SLCO1B1: variants seen among roughly 807,000 people sequenced by gnomAD.
SLCO1B1 encodes the protein solute carrier organic anion transporter family member 1B1.
SLCO1B1 carries 81 observed loss-of-function variants against 70.1 expected under a neutral mutation model. The observed-to-expected ratio is 1.16, with a 90% CI of 0.97 to 1.39. The LOEUF is 1.39. Among genes scored for constraint, SLCO1B1 ranks in the 40% most tolerant of loss-of-function variants. The probability of loss-of-function intolerance (pLI) is 0.00; values close to 1 mark genes in which losing one functional copy is unlikely to be tolerated. For missense variants in SLCO1B1, 895 were observed against 799.6 expected (o/e 1.12, Z -1.44); for synonymous variants, 283 against 271.5 (o/e 1.04, Z -0.42).
intron 2 of SLCO1B1, among the ~76,000 whole-genome samples, chr12:21,156,786 A>C (rs1940550336): frequency 6.6e-6 from 1 of 152,204 alleles, no homozygotes; most frequent in Non-Finnish European, 1.5e-5. Context: ...TCTGTAATTC[A>C]TATTTTAAGT....
chr12:21,174,718 TA>T lies in SLCO1B1; in HGVS notation c.359+23del, dbSNP rs4149095. ...CATTTCTTCATGGGATAGTAAGTGT[TA>T]AAAAAAAAAAAAACCTCTGTGCCAC... On this transcript the variant is annotated intron_variant, in intron 4 of 14. Coordinates refer to ENST00000256958, the MANE Select transcript of SLCO1B1 (RefSeq NM_006446.5). 30,616 of 1,410,448 alleles carry T rather than the reference TA, an allele frequency of 0.022. No homozygotes were observed. Among genetic ancestry groups the T allele is most frequent in the African/African-American group, 0.023 (1,518 of 65,476 alleles). The allele number at this position is 1,410,448 out of a possible 1,614,324, so 87.4% of individuals were successfully genotyped here.
At chr12:21,154,475 TAC>T (rs974647268) in intron 2 of SLCO1B1, among the ~76,000 whole-genome samples, 1 of 152,114 alleles carries the variant, frequency 6.6e-6, no homozygotes, top group Non-Finnish European at 1.5e-5. Flanking sequence ...GTTTATAAAG[TAC>T]ACAGTTTTCT....
chr12:21,142,913 G>A (rs1940331377), intron 2 of SLCO1B1, among the ~76,000 whole-genome samples: 1 of 152,024 alleles, frequency 6.6e-6, no homozygotes, highest in Non-Finnish European at 1.5e-5. Flanking sequence ...TGTGTGGAAA[G>A]GACATTAACT....
intron 7 of SLCO1B1, among the ~76,000 whole-genome samples, chr12:21,184,592 C>A (rs1275660355): frequency 6.6e-6 from 1 of 152,092 alleles, no homozygotes; most frequent in Non-Finnish European, 1.5e-5. Context: ...ACTAAACCAG[C>A]CTTATAACAG....
At chr12:21,165,786 C>A (rs1940677014) in intron 2 of SLCO1B1, among the ~76,000 whole-genome samples, 1 of 152,052 alleles carries the variant, frequency 6.6e-6, no homozygotes, top group African/African-American at 2.4e-5. Flanking sequence ...AGAGGGCCCT[C>A]ACCAGAAATT....
In SLCO1B1 at chr12:21,202,544, A is replaced by C; in HGVS notation, c.1189A>C (p.Ile397Leu). 6.2e-7 allele frequency: 1 copy of C among 1,612,176 alleles called. No homozygotes were observed. The highest frequency in any genetic ancestry group is 1.1e-5 in the South Asian group (1 of 90,902). The change falls in exon 10 of 15, where the codon ATT (isoleucine) becomes CTT (leucine). Residue 397 changes from isoleucine (I) to leucine (L), a missense_variant. Ile to Leu is a conservative substitution (Grantham distance 5, BLOSUM62 2). Coordinates refer to ENST00000256958, the MANE Select transcript of SLCO1B1 (RefSeq NM_006446.5). ...ASGMFLGGYI[I>L]KKFKLNTVGI... The stretch of plus-strand genomic sequence containing the variant: ...TGGAATGTTTTTAGGAGGATATATC[A>C]TTAAAAAATTCAAACTGAACACCGT...
chr12:21,209,134 T>G (rs1324169560), intron 11 of SLCO1B1, among the ~76,000 whole-genome samples: 2 of 152,086 alleles, frequency 1.3e-5, no homozygotes, highest in African/African-American at 4.8e-5. Flanking sequence ...TGTATACATG[T>G]GCCATGCTGG....
chr12:21,148,068 T>C (rs1940411811), intron 2 of SLCO1B1, among the ~76,000 whole-genome samples: 1 of 152,248 alleles, frequency 6.6e-6, no homozygotes, highest in Middle Eastern at 3.2e-3. Flanking sequence ...TGTTTCTTTC[T>C]TGTAAATTTG....
intron 1 of SLCO1B1, among the ~76,000 whole-genome samples, chr12:21,133,126 A>G (rs1336821559): frequency 6.6e-6 from 1 of 152,120 alleles, no homozygotes; most frequent in Non-Finnish European, 1.5e-5. Flanking sequence ...CAGGTTTGTC[A>G]AAGATCAGAT....
At chr12:21,176,230 C>G (rs1237835900) in intron 4 of SLCO1B1, among the ~76,000 whole-genome samples, 1 of 152,114 alleles carries the variant, frequency 6.6e-6, no homozygotes, top group Non-Finnish European at 1.5e-5. Context: ...GCCTGGAATA[C>G]AGTAGGCTGC....
chr12:21,187,422 A>C (rs1021928817), intron 7 of SLCO1B1, among the ~76,000 whole-genome samples: 6 of 152,106 alleles, frequency 3.9e-5, no homozygotes, highest in Non-Finnish European at 7.4e-5. Context: ...TTTTCATATC[A>C]GTCGATGCCC....
rs1391007612 is a variant in SLCO1B1, at chr12:21,197,153, C to T, written c.935C>T (p.Thr312Ile). 6.2e-7 allele frequency: 1 copy of T among 1,613,094 alleles called. No homozygotes were observed. Among genetic ancestry groups the T allele is most frequent in the East Asian group, 2.2e-5 (1 of 44,806 alleles). The change falls in exon 8 of 15, where the codon ACC becomes ATC. Residue 312 changes from threonine to isoleucine, a missense_variant. Physicochemically the swap from Thr to Ile is moderately conservative, Grantham distance 89 (BLOSUM62 -1). Coordinates refer to ENST00000256958, the MANE Select transcript of SLCO1B1 (RefSeq NM_006446.5). ...GAAAAGGATCAAACAGCTAATTTGA[C>T]CAATCAAGGAAAAAATATTACCAAA... Reference protein sequence around the residue: ...NDEKDQTANLTNQGKNITKNV... With the variant: ...NDEKDQTANLINQGKNITKNV...
Position 21,197,055 on chromosome 12 carries a change from G to C in SLCO1B1, c.837G>C (p.Leu279Phe). 1 of 1,613,038 alleles carries C rather than the reference G, an allele frequency of 6.2e-7. No homozygotes were observed. The highest frequency in any genetic ancestry group is 8.5e-7 in the Non-Finnish European group (1 of 1,179,604). The change falls in exon 8 of 15, where the codon TTG becomes TTC. Residue 279 changes from leucine (L) to phenylalanine (F), a missense_variant. Coordinates refer to ENST00000256958, the MANE Select transcript of SLCO1B1 (RefSeq NM_006446.5). ...SIISSIPFFF[L>F]PQTPNKPQKE... is the part of the protein sequence containing the mutation. ...TTTCTTCCATACCATTCTTTTTCTT[G>C]CCCCAAACTCCAAATAAACCACAAA...
chr12:21,151,883 A>G (rs1940474730), intron 2 of SLCO1B1, among the ~76,000 whole-genome samples: 1 of 151,874 alleles, frequency 6.6e-6, no homozygotes, highest in African/African-American at 2.4e-5. Flanking sequence ...TTGGGCATTT[A>G]TACAACTTGT....
intron 2 of SLCO1B1, among the ~76,000 whole-genome samples, chr12:21,149,003 C>T (rs149236010): frequency 0.012 from 1,809 of 152,166 alleles, 47 homozygotes; most frequent in African/African-American, 0.041. Context: ...TGGAAGTTCA[C>T]TCATGATTTG....
intron 7 of SLCO1B1, among the ~76,000 whole-genome samples, chr12:21,183,130 G>A (rs998317258): frequency 2.6e-5 from 4 of 152,128 alleles, no homozygotes; most frequent in African/African-American, 9.7e-5. Context: ...TTATGTCCCC[G>A]AGTAACAGCT....
intron 1 of SLCO1B1, among the ~76,000 whole-genome samples, chr12:21,138,106 G>A (rs1385553742): frequency 3.3e-5 from 5 of 152,152 alleles, no homozygotes; most frequent in Non-Finnish European, 5.9e-5. Context: ...TGGAGATGGG[G>A]GATTGTCTCT....
chr12:21,138,497 T>C (rs1453377133), intron 1 of SLCO1B1, among the ~76,000 whole-genome samples: 2 of 152,214 alleles, frequency 1.3e-5, no homozygotes, highest in Non-Finnish European at 2.9e-5. Flanking sequence ...CAAGCATAAA[T>C]TAATATTCCA....
chr12:21,211,272 T>G (rs897782799), intron 11 of SLCO1B1, among the ~76,000 whole-genome samples: 2 of 151,880 alleles, frequency 1.3e-5, no homozygotes, highest in Admixed American at 1.3e-4. Context: ...TAGCATGAAG[T>G]GTTGTTGCAT....
Sources: allele counts gnomAD v4.1 joint callset (sites outside exome capture counted in the v4.1 genomes callset), GRCh38; gene constraint gnomAD v4.1.1; transcripts MANE v1.5; gene names NCBI Gene and HGNC (gene_info 2026-07-23, HGNC 2026-07-21).